CA10: variants seen among roughly 807,000 people sequenced by gnomAD.
CA10 encodes the protein carbonic anhydrase-related protein 10.
A neutral mutation model predicts 44.2 loss-of-function variants in CA10; 14 were observed. That is an observed-to-expected ratio of 0.32 (90% CI 0.21 to 0.50). The LOEUF (loss-of-function observed/expected upper bound fraction) is 0.50. CA10 is among the 20% of genes least tolerant of loss of function. The pLI is 0.99. For missense variants in CA10, 350 were observed against 409.7 expected (o/e 0.85, Z 1.26); for synonymous variants, 159 against 141.6 (o/e 1.12, Z -0.87).
chr17:52,097,447 T>G (rs1031944786), intron 1 of CA10, among the ~76,000 whole-genome samples: 8 of 152,162 alleles, frequency 5.3e-5, no homozygotes, highest in African/African-American at 1.9e-4. Context: ...CCAGAACATT[T>G]TACTTCTCCC....
At chr17:51,672,014 C>A (rs185859690) in intron 4 of CA10, among the ~76,000 whole-genome samples, 2 of 152,274 alleles carry the variant, frequency 1.3e-5, no homozygotes, top group Admixed American at 1.3e-4. Flanking sequence ...TGACTTAGGG[C>A]ATTGAGTTAA....
intron 2 of CA10, among the ~76,000 whole-genome samples, chr17:52,006,442 A>G (rs371299277): frequency 6.6e-6 from 1 of 151,904 alleles, no homozygotes; most frequent in African/African-American, 2.4e-5. Flanking sequence ...AACACTTACC[A>G]TTCTTTCAAC....
At chr17:51,796,096 T>C (rs995971986) in intron 3 of CA10, among the ~76,000 whole-genome samples, 2 of 152,206 alleles carry the variant, frequency 1.3e-5, no homozygotes, top group Non-Finnish European at 2.9e-5. Context: ...CCAGTGTTTT[T>C]GCTGACATCT....
At chr17:52,078,621 A>G (rs1366065850) in intron 1 of CA10, among the ~76,000 whole-genome samples, 1 of 152,270 alleles carries the variant, frequency 6.6e-6, no homozygotes, top group East Asian at 1.9e-4. Flanking sequence ...AGGAAACAAC[A>G]TAAGTTGGAA....
At chr17:51,802,524 T>G (rs2143720713) in intron 3 of CA10, among the ~76,000 whole-genome samples, 1 of 144,632 alleles carries the variant, frequency 6.9e-6, no homozygotes, top group Middle Eastern at 3.7e-3. Flanking sequence ...GAGTCTAATG[T>G]ACTCTGCAGG....
intron 3 of CA10, among the ~76,000 whole-genome samples, chr17:51,830,590 T>C (rs1404482545): frequency 1.3e-5 from 2 of 152,188 alleles, no homozygotes; most frequent in Non-Finnish European, 2.9e-5. Flanking sequence ...AATGGCTCTG[T>C]CACAACCCTG....
At chr17:52,097,896 C>G (rs1035703679) in intron 1 of CA10, among the ~76,000 whole-genome samples, 2 of 152,186 alleles carry the variant, frequency 1.3e-5, no homozygotes, top group African/African-American at 4.8e-5. Context: ...TTAAAATAGA[C>G]ATTTCTATAA....
chr17:51,638,062 C>T (rs1179711150), intron 6 of CA10, among the ~76,000 whole-genome samples: 1 of 152,224 alleles, frequency 6.6e-6, no homozygotes, highest in Non-Finnish European at 1.5e-5. Context: ...GGCAAAGATG[C>T]CCTCTCCTCC....
chr17:51,764,004 A>G (rs1905285746), intron 3 of CA10, among the ~76,000 whole-genome samples: 1 of 151,240 alleles, frequency 6.6e-6, no homozygotes, highest in Admixed American at 6.6e-5. Flanking sequence ...ATATATCCTG[A>G]TTTTATGAAC....
chr17:51,632,349 G>A (rs9893396), intron 8 of CA10, among the ~76,000 whole-genome samples: 6,131 of 152,228 alleles, frequency 0.04, 404 homozygotes, highest in African/African-American at 0.14. Context: ...AATGAGTTAG[G>A]TATTTACTTT....
intron 2 of CA10, among the ~76,000 whole-genome samples, chr17:51,959,797 G>GAAAAAAAAAAA (rs3062037): frequency 8.9e-6 from 1 of 112,344 alleles, no homozygotes; most frequent in Admixed American, 1.0e-4. Context: ...CTGCTAAGAT[G>GAAAAAAAAAAA]AAAAAAAAAA....
chr17:51,767,593 T>A (rs529478104), intron 3 of CA10, among the ~76,000 whole-genome samples: 12 of 152,032 alleles, frequency 7.9e-5, no homozygotes, highest in Non-Finnish European at 1.2e-4. Context: ...GATCTAGGGG[T>A]GGGGGGACAG....
At chr17:51,654,524 TA>T (rs1209844187) in intron 4 of CA10, among the ~76,000 whole-genome samples, 1 of 151,782 alleles carries the variant, frequency 6.6e-6, no homozygotes. Flanking sequence ...GCTGTGATTT[TA>T]AAACAGTTTT....
chr17:51,735,013 C>T (rs1442313517), intron 4 of CA10, among the ~76,000 whole-genome samples: 1 of 152,080 alleles, frequency 6.6e-6, no homozygotes, highest in Non-Finnish European at 1.5e-5. Flanking sequence ...GATGCCTTGA[C>T]ACTGATAAGA....
intron 1 of CA10, among the ~76,000 whole-genome samples, chr17:52,127,480 T>G (rs932038622): frequency 6.6e-6 from 1 of 152,182 alleles, no homozygotes; most frequent in Admixed American, 6.5e-5. Flanking sequence ...ATTCACTTCC[T>G]TTCCTCCATT....
At chr17:51,903,732 C>A (rs148372182) in intron 3 of CA10, among the ~76,000 whole-genome samples, 2 of 152,116 alleles carry the variant, frequency 1.3e-5, no homozygotes, top group Non-Finnish European at 2.9e-5. Flanking sequence ...CACTTGTACC[C>A]CATCTACATT....
At chr17:51,653,578 G>A (rs548404605) in intron 5 of CA10, 63 bp downstream of exon 5, 38 of 910,346 alleles carry the variant, frequency 4.2e-5, no homozygotes, top group South Asian at 1.2e-4. Flanking sequence ...AACAGAGACC[G>A]TAAATTGGTA....
At chr17:51,714,627 C>A (rs11650892) in intron 4 of CA10, among the ~76,000 whole-genome samples, 41,089 of 152,048 alleles carry the variant, frequency 0.27, 6,176 homozygotes, top group Admixed American at 0.37. Context: ...ACTGAGAAGG[C>A]GATGATTGCT....
At chr17:51,639,504 C>T (rs558648055) in intron 6 of CA10, among the ~76,000 whole-genome samples, 4 of 152,232 alleles carry the variant, frequency 2.6e-5, no homozygotes, top group African/African-American at 9.6e-5. Context: ...TTATCACACA[C>T]AGCAGGTTTC....
Sources: allele counts gnomAD v4.1 joint callset (sites outside exome capture counted in the v4.1 genomes callset), GRCh38; gene constraint gnomAD v4.1.1; transcripts MANE v1.5; gene names NCBI Gene and HGNC (gene_info 2026-07-23, HGNC 2026-07-21).